CDH1: variants seen among roughly 807,000 people sequenced by gnomAD.
CDH1 encodes cadherin-1.
Under a neutral mutation model 84.5 loss-of-function variants are expected in CDH1, and 35 were observed. The ratio of observed to expected loss-of-function variants is 0.41; its 90% CI spans 0.32 to 0.55. CDH1 has a LOEUF of 0.55. Among genes scored for constraint, CDH1 ranks in the 20% least tolerant of loss-of-function variants. The probability of loss-of-function intolerance (pLI) is 0.19; values close to 1 mark genes in which losing one functional copy is unlikely to be tolerated. For synonymous variants in CDH1, 417 were observed against 439.0 expected (o/e 0.95, Z 0.63); for missense variants, 994 against 1,126.6 (o/e 0.88, Z 1.68).
At chr16:68,829,204 G>A (rs1020339839) in intron 14 of CDH1, among the ~76,000 whole-genome samples, 8 of 152,132 alleles carry the variant, frequency 5.3e-5, no homozygotes, top group African/African-American at 1.9e-4. Flanking sequence ...TTGTGTCCAG[G>A]TCTGTTCCAT....
chr16:68,804,846 T>C (rs1960611900), intron 3 of CDH1, among the ~76,000 whole-genome samples: 1 of 143,964 alleles, frequency 6.9e-6, no homozygotes, highest in South Asian at 2.3e-4. Flanking sequence ...TTTTTTTTTT[T>C]TGGAGACAGA....
At chr16:68,791,831 C>T (rs1597877945) in intron 2 of CDH1, among the ~76,000 whole-genome samples, 2 of 152,280 alleles carry the variant, frequency 1.3e-5, no homozygotes, top group South Asian at 4.2e-4. Context: ...TGATGCTTGA[C>T]AAAGAGAGTA....
At chr16:68,745,549 A>AAAAATATATATATATGT (rs1555510453) in intron 2 of CDH1, among the ~76,000 whole-genome samples, 1 of 75,182 alleles carries the variant, frequency 1.3e-5, no homozygotes, top group African/African-American at 5.5e-5. Context: ...AAAAAAAAAA[A>AAAAATATATATATATGT]ATATATATAT....
intron 2 of CDH1, among the ~76,000 whole-genome samples, chr16:68,790,490 G>T (rs1003335539): frequency 6.6e-6 from 1 of 152,166 alleles, no homozygotes; most frequent in African/African-American, 2.4e-5. Context: ...AGGCTGTGTT[G>T]TTACGCATGC....
chr16:68,741,131 C>G (rs1344759418), intron 2 of CDH1, among the ~76,000 whole-genome samples: 1 of 151,920 alleles, frequency 6.6e-6, no homozygotes, highest in Non-Finnish European at 1.5e-5. Flanking sequence ...AGCCTTCACA[C>G]AGAATCCGCA....
intron 2 of CDH1, among the ~76,000 whole-genome samples, chr16:68,767,643 T>C (rs1313042894): frequency 6.6e-6 from 1 of 152,252 alleles, no homozygotes; most frequent in African/African-American, 2.4e-5. Context: ...TCTTTTGTTG[T>C]TATTGTTGTT....
chr16:68,757,898 T>TC (rs1333969846), intron 2 of CDH1, among the ~76,000 whole-genome samples: 2 of 150,606 alleles, frequency 1.3e-5, no homozygotes, highest in African/African-American at 4.9e-5. Context: ...GCTCAAGTCA[T>TC]CCCCATCCTC....
At chr16:68,767,819 G>A (rs1170097979) in intron 2 of CDH1, among the ~76,000 whole-genome samples, 1 of 152,212 alleles carries the variant, frequency 6.6e-6, no homozygotes, top group Non-Finnish European at 1.5e-5. Context: ...GGAGAGCCGG[G>A]TGTGGTAGTG....
intron 6 of CDH1, 125 bp downstream of exon 6, chr16:68,810,466 G>A (rs1052625047): frequency 9.7e-5 from 84 of 865,726 alleles, no homozygotes; most frequent in Non-Finnish European, 1.5e-4. Flanking sequence ...GAACTTCTTG[G>A]CAAGCCATTG....
chr16:68,795,893 G>C (rs1960344807), intron 2 of CDH1, among the ~76,000 whole-genome samples: 1 of 151,970 alleles, frequency 6.6e-6, no homozygotes, highest in Non-Finnish European at 1.5e-5. Context: ...GCCGGGTGCG[G>C]TGGCTTATGC....
At chr16:68,819,567 G>T in intron 11 of CDH1, 142 bp downstream of exon 11, 1 of 937,152 alleles carries the variant, frequency 1.1e-6, no homozygotes. Context: ...TAAATGTATG[G>T]AGTACAAGGG....
chr16:68,812,107 T>C (rs2152132435), intron 7 of CDH1, 28 bp from the exon 8 acceptor site: 1 of 1,613,970 alleles, frequency 6.2e-7, no homozygotes, highest in Admixed American at 1.7e-5. Flanking sequence ...TTCCTGGTCC[T>C]GACTTGGTTG....
intron 2 of CDH1, among the ~76,000 whole-genome samples, chr16:68,797,346 A>G (rs944759906): frequency 1.3e-5 from 2 of 152,142 alleles, no homozygotes; most frequent in Non-Finnish European, 2.9e-5. Context: ...CGTTTGTGCC[A>G]CTGCACTTTA....
intron 2 of CDH1, among the ~76,000 whole-genome samples, chr16:68,759,560 G>A (rs1490021447): frequency 6.6e-6 from 1 of 150,560 alleles, no homozygotes; most frequent in Non-Finnish European, 1.5e-5. Context: ...TGCGATCTTG[G>A]CTCACTGCAA....
intron 15 of CDH1, among the ~76,000 whole-genome samples, chr16:68,833,023 A>T (rs771495774): frequency 2.6e-5 from 4 of 151,880 alleles, no homozygotes; most frequent in Non-Finnish European, 5.9e-5. Context: ...ATCTATGGGG[A>T]CTCCATCCTG....
At chr16:68,760,012 G>A (rs918219010) in intron 2 of CDH1, among the ~76,000 whole-genome samples, 9 of 151,654 alleles carry the variant, frequency 5.9e-5, no homozygotes, top group Non-Finnish European at 1.2e-4. Flanking sequence ...CACCGTGCCC[G>A]GCTGAGTTTT....
chr16:68,809,091 AT>A (rs1395729961), intron 5 of CDH1: 1 of 540,182 alleles, frequency 1.9e-6, no homozygotes, highest in African/African-American at 1.9e-5. Flanking sequence ...ACCAGGACAA[AT>A]TTAGACCCAA....
chr16:68,745,549 A>AATATATATATATATATATGTATATATAT (rs1555510456), intron 2 of CDH1, among the ~76,000 whole-genome samples: 4 of 75,174 alleles, frequency 5.3e-5, no homozygotes, highest in African/African-American at 1.7e-4. Context: ...AAAAAAAAAA[A>AATATATATATATATATATGTATATATAT]ATATATATAT....
chr16:68,791,178 T>C (rs1960198515), intron 2 of CDH1, among the ~76,000 whole-genome samples: 1 of 152,140 alleles, frequency 6.6e-6, no homozygotes, highest in South Asian at 2.1e-4. Flanking sequence ...ATGCACACAG[T>C]AGGTGTGCAG....
Sources: allele counts gnomAD v4.1 joint callset (sites outside exome capture counted in the v4.1 genomes callset), GRCh38; gene constraint gnomAD v4.1.1; transcripts MANE v1.5; gene names NCBI Gene and HGNC (gene_info 2026-07-23, HGNC 2026-07-21).